PKHD1L1: variants seen among roughly 807,000 people sequenced by gnomAD.
The protein encoded by PKHD1L1 is PKHD1 like 1, also known as fibrocystin-L.
Under a neutral mutation model 462.9 loss-of-function variants are expected in PKHD1L1, and 434 were observed. That is an observed-to-expected ratio of 0.94 (90% confidence interval 0.87 to 1.02). The LOEUF (loss-of-function observed/expected upper bound fraction) is 1.02. Ranked by LOEUF, PKHD1L1 falls within the 50% of genes least tolerant of loss-of-function variation. The pLI, the probability that PKHD1L1 is intolerant of heterozygous loss-of-function variation, is 0.00. For synonymous variants in PKHD1L1, 1,781 were observed against 1,750.0 expected (o/e 1.02, Z -0.44); for missense variants, 5,202 against 5,096.1 (o/e 1.02, Z -0.63).
intron 29 of PKHD1L1, among the ~76,000 whole-genome samples, chr8:109,436,025 C>T (rs571996102): frequency 1.3e-4 from 20 of 152,294 alleles, no homozygotes; most frequent in African/African-American, 4.6e-4. Flanking sequence ...CATAATTATT[C>T]GTAGGATGAA....
intron 68 of PKHD1L1, among the ~76,000 whole-genome samples, chr8:109,507,043 C>T (rs1334755579): frequency 6.6e-6 from 1 of 151,954 alleles, no homozygotes; most frequent in Non-Finnish European, 1.5e-5. Flanking sequence ...AGAATGGTTA[C>T]TAAAATATGT....
intron 71 of PKHD1L1, among the ~76,000 whole-genome samples, chr8:109,511,983 T>C (rs577239069): frequency 1.9e-4 from 29 of 152,378 alleles, no homozygotes; most frequent in South Asian, 1.4e-3. Context: ...TTTGGCTGCA[T>C]AAATGTCTTC....
At chr8:109,520,789 G>A (rs941378134) in intron 73 of PKHD1L1, among the ~76,000 whole-genome samples, 11 of 152,080 alleles carry the variant, frequency 7.2e-5, no homozygotes, top group Non-Finnish European at 1.5e-4. Context: ...CAGTCCTACA[G>A]CCAGGAATAA....
At chr8:109,412,204 C>T (rs1813891258) in intron 19 of PKHD1L1, 61 bp from the exon 20 acceptor site, 7 of 1,577,542 alleles carry the variant, frequency 4.4e-6, no homozygotes, top group African/African-American at 4.0e-5. Flanking sequence ...TGGGTGCACA[C>T]GTTGGGGGAA....
chr8:109,478,156 A>G (rs771317407), intron 53 of PKHD1L1, among the ~76,000 whole-genome samples: 13 of 152,190 alleles, frequency 8.5e-5, no homozygotes, highest in Admixed American at 1.3e-4. Context: ...GTACAACTCA[A>G]TGATAATTAT....
At chr8:109,465,827 T>C (rs904906156) in intron 49 of PKHD1L1, among the ~76,000 whole-genome samples, 1 of 152,278 alleles carries the variant, frequency 6.6e-6, no homozygotes, top group South Asian at 2.1e-4. Context: ...TCCATATACA[T>C]TGTAGGTTAA....
rs752105737 is a variant in PKHD1L1 at position 109,443,795 on chromosome 8, A to C, written c.4684A>C (p.Ser1562Arg). 6.2e-7 allele frequency: 1 copy of C among 1,613,878 alleles called. No homozygotes were observed. Among genetic ancestry groups the C allele is most frequent in the Middle Eastern group, 1.6e-4 (1 of 6,062 alleles). Reference sequence around the variant, plus strand: ...AAAAAGATTGCTATTTGAGGTTTCAAGTTGTTTTTCACCATCTATAAGCAA... The same window carrying C: ...AAAAAGATTGCTATTTGAGGTTTCACGTTGTTTTTCACCATCTATAAGCAA... ...NSKRLLFEVS[S>R]CFSPSISNIT... is the part of the protein sequence containing the mutation. The change falls in exon 37 of 78, where the codon AGT becomes CGT. Residue 1562 changes from serine (S) to arginine (R), a missense_variant. By Grantham distance (110) the Ser-to-Arg change is moderately radical. Transcript: ENST00000378402.
intron 12 of PKHD1L1, among the ~76,000 whole-genome samples, chr8:109,399,594 G>A (rs1449421098): frequency 6.6e-6 from 1 of 152,000 alleles, no homozygotes; most frequent in African/African-American, 2.4e-5. Flanking sequence ...CAAACATTGA[G>A]AGAAATCTGA....
chr8:109,386,452 GA>G (rs1476491240), intron 6 of PKHD1L1, among the ~76,000 whole-genome samples: 4 of 152,028 alleles, frequency 2.6e-5, no homozygotes, highest in African/African-American at 9.7e-5. Flanking sequence ...AGAATTTTTT[GA>G]ATGCTGTAAA....
intron 76 of PKHD1L1, among the ~76,000 whole-genome samples, chr8:109,525,456 G>C (rs1174158559): frequency 6.6e-6 from 1 of 152,188 alleles, no homozygotes; most frequent in African/African-American, 2.4e-5. Context: ...TCACAATTGT[G>C]TGTGTCAGAA....
chr8:109,410,734 T>TTTTTTTTTTG (rs1813809173), intron 19 of PKHD1L1, among the ~76,000 whole-genome samples: 1 of 111,150 alleles, frequency 9.0e-6, no homozygotes, highest in Admixed American at 9.4e-5. Context: ...TTCTTTTTTT[T>TTTTTTTTTTG]TTTTTTTTTT....
Position 109,456,368 on chromosome 8 carries a change from T to C in PKHD1L1, c.6981T>C (p.Ile2327=), listed in dbSNP as rs1453280823. ...TAACATGGAAACCAGGAGATAACAT[T>C]GTAATTGCAAGCACAGGACACAGGT... is the stretch of plus-strand genomic sequence containing the variant. ...EAVTWKPGDN[I]VIASTGHRHS... The change falls in exon 46 of 78, where the codon ATT becomes ATC. Residue 2327 remains isoleucine, a synonymous_variant. Transcript: ENST00000378402. 1.2e-6 allele frequency: 2 copies of C among 1,608,760 alleles called. No homozygotes were observed. The highest frequency in any genetic ancestry group is 1.7e-6 in the Non-Finnish European group (2 of 1,177,354).
At chr8:109,498,930 G>A in intron 67 of PKHD1L1, 159 bp downstream of exon 67, 1 of 673,020 alleles carries the variant, frequency 1.5e-6, no homozygotes, top group Non-Finnish European at 2.5e-6. Context: ...AGTCAATTTT[G>A]AGAATGGTTT....
Position 109,444,843 on chromosome 8 carries a change from GCCAAACATTGA to G in PKHD1L1, c.4977_4987del (p.Asn1660GlyfsTer38). 1.9e-6 allele frequency: 3 copies of G among 1,613,994 alleles called. No homozygotes were observed. The highest frequency in any genetic ancestry group is 2.5e-6 in the Non-Finnish European group (3 of 1,179,882). The stretch of plus-strand genomic sequence containing the variant: ...AATTTGATAGGCGATTTGTACTTTT[GCCAAACATTGA>G]CCTGGTGTTGCCAAATGCAGGATCA... On this transcript the variant is annotated frameshift_variant, in exon 38 of 78. Coordinates refer to ENST00000378402, the MANE Select transcript of PKHD1L1 (RefSeq NM_177531.6). LOFTEE classifies it high-confidence loss of function.
intron 38 of PKHD1L1, among the ~76,000 whole-genome samples, chr8:109,446,339 A>T (rs1428569625): frequency 6.6e-6 from 1 of 152,170 alleles, no homozygotes; most frequent in Non-Finnish European, 1.5e-5. Context: ...AAATGGTTCA[A>T]ATTTTGGTTC....
Position 109,459,667 on chromosome 8 carries a change from T to A in PKHD1L1, c.7077T>A (p.Ser2359Arg). The A allele has an allele frequency of 6.2e-7, 1 of 1,608,726 alleles. No individual in the cohort carries two copies. Among genetic ancestry groups the A allele is most frequent in the Non-Finnish European group, 8.5e-7 (1 of 1,177,172 alleles). The change falls in exon 47 of 78, where the codon AGT (serine) becomes AGA (arginine). Residue 2359 changes from serine to arginine, a missense_variant. Around this residue, in one of 3 missense-constraint regions of PKHD1L1, gnomAD observed 4,497 missense variants for 4,336.8 expected, o/e 1.04. Coordinates refer to ENST00000378402, the MANE Select transcript of PKHD1L1 (RefSeq NM_177531.6). ...VSADGINITL[S>R]NPLNYTHLGI... ...CTGATGGCATAAACATAACACTAAG[T>A]AACCCACTAAATTACACACACTTAG...
In PKHD1L1 at chr8:109,400,238, T is replaced by G; in HGVS notation, c.1175T>G (p.Phe392Cys). The G allele has an allele frequency of 6.2e-7, 1 of 1,613,688 alleles. No homozygotes were observed. Among genetic ancestry groups the G allele is most frequent in the African/African-American group, 1.3e-5 (1 of 75,024 alleles). ...GAACAAGACACATTTGTTGCACGCT[T>G]TAGTGGATTTTTGGTGGCTCCAGAT... ...LMEQDTFVARFSGFLVAPDSD... is the reference protein window; with the variant it reads ...LMEQDTFVARCSGFLVAPDSD... Residue 392 changes from phenylalanine (F) to cysteine (C), a missense_variant, in exon 13 of 78, where the codon TTT (phenylalanine) becomes TGT (cysteine). Physicochemically the swap from Phe to Cys is radical, Grantham distance 205 (BLOSUM62 -2). Transcript: ENST00000378402.
chr8:109,517,296 G>A (rs1207246070), intron 72 of PKHD1L1, among the ~76,000 whole-genome samples: 1 of 152,086 alleles, frequency 6.6e-6, no homozygotes, highest in African/African-American at 2.4e-5. Context: ...TATTTTGGGA[G>A]TTACCCAAAT....
At position 109,398,483 on chromosome 8, in the gene PKHD1L1, T is replaced by G; in HGVS notation, c.947T>G (p.Val316Gly). Reference protein sequence around the residue: ...VGGEPCDILNVTENSICCKTP... With the variant: ...VGGEPCDILNGTENSICCKTP... ...GGTGAACCTTGTGATATTTTGAATGTCACAGAAAATAGTATATGTTGCAAG... is the reference window on the plus strand; with the variant it reads ...GGTGAACCTTGTGATATTTTGAATGGCACAGAAAATAGTATATGTTGCAAG... The change falls in exon 12 of 78, where the codon GTC becomes GGC. Residue 316 changes from valine (V) to glycine (G), a missense_variant. Physicochemically the swap from Val to Gly is moderately radical, Grantham distance 109. Around this residue, in one of 3 missense-constraint regions of PKHD1L1, gnomAD observed 4,497 missense variants for 4,336.8 expected, o/e 1.04. Coordinates refer to ENST00000378402, the MANE Select transcript of PKHD1L1 (RefSeq NM_177531.6). The G allele has an allele frequency of 3.8e-6, 6 of 1,564,716 alleles. No individual in the cohort carries two copies. The highest frequency in any genetic ancestry group is 5.2e-6 in the Non-Finnish European group (6 of 1,150,294).
Sources: gnomAD v4.1 joint callset for allele counts (sites outside exome capture counted in the v4.1 genomes callset) on GRCh38, gnomAD v4.1.1 for gene constraint, gnomAD v4.1.1 regional missense constraint, MANE v1.5 for transcripts, NCBI Gene and HGNC (gene_info 2026-07-23, HGNC 2026-07-21) for gene names.